Variants in ACACA observed in about 807,000 individuals in gnomAD.
ACACA encodes the protein acetyl-CoA carboxylase 1.
In ACACA, 103 loss-of-function variants were observed where a neutral mutation model predicts 296.1. The observed-to-expected ratio is 0.35, with a 90% confidence interval of 0.30 to 0.41. ACACA has a LOEUF of 0.41. ACACA is among the 10% of genes least tolerant of loss of function. The probability of loss-of-function intolerance (pLI) is 1.00; values close to 1 mark genes in which losing one functional copy is unlikely to be tolerated. For synonymous variants in ACACA, 953 were observed against 1,038.6 expected (o/e 0.92, Z 1.58); for missense variants, 1,554 against 2,989.7 (o/e 0.52, Z 11.20).
intron 19 of ACACA, among the ~76,000 whole-genome samples, chr17:37,245,644 T>C (rs2080658477): frequency 6.6e-6 from 1 of 152,124 alleles, no homozygotes; most frequent in African/African-American, 2.4e-5. Context: ...TTCTCAAAAA[T>C]CTTCCTCTCT....
At chr17:37,257,212 A>G (rs1305832693) in intron 14 of ACACA, among the ~76,000 whole-genome samples, 2 of 152,206 alleles carry the variant, frequency 1.3e-5, no homozygotes, top group South Asian at 2.1e-4. Context: ...TAATATGAGC[A>G]GTATAATTTT....
rs141482248 is a variant in ACACA at position 37,322,756 on chromosome 17, C to T, written c.338+7417G>A. On this transcript the variant is annotated intron_variant, in intron 3 of 55. Coordinates refer to ENST00000616317, the MANE Select transcript of ACACA (RefSeq NM_198834.3). ...ACAAGGCAGAGAAAGAGAGGAGGGA[C>T]GTCTGGACACCGAGGGGAATTCAAC... is the stretch of plus-strand genomic sequence containing the variant. Among the ~76,000 whole-genome samples, 1,308 of 152,244 alleles carry T rather than the reference C, an allele frequency of 8.6e-3. 17 individuals are homozygous for T. Among genetic ancestry groups the T allele is most frequent in the Middle Eastern group, 0.031 (9 of 294 alleles).
chr17:37,146,273 C>T (rs771666694), intron 45 of ACACA, among the ~76,000 whole-genome samples: 3 of 152,150 alleles, frequency 2.0e-5, no homozygotes, highest in African/African-American at 4.8e-5. Context: ...AAAAGCCAGG[C>T]GCACACATGC....
At chr17:37,213,897 C>T (rs1598198338) in intron 29 of ACACA, among the ~76,000 whole-genome samples, 1 of 152,122 alleles carries the variant, frequency 6.6e-6, no homozygotes, top group East Asian at 1.9e-4. Flanking sequence ...ACCATCCCTT[C>T]CAGCTGAATT....
intron 1 of ACACA, among the ~76,000 whole-genome samples, chr17:37,374,971 A>G (rs2049943334): frequency 6.7e-6 from 1 of 150,170 alleles, no homozygotes; most frequent in South Asian, 2.1e-4. Flanking sequence ...CGATGGGGGC[A>G]GATCACTTGA....
rs142938876 is a variant in ACACA at position 37,352,266 on chromosome 17, T to C, written c.39-12416A>G. Among the ~76,000 whole-genome samples, 214 of 152,280 alleles carry C rather than the reference T, an allele frequency of 1.4e-3. 1 individual carries two copies. Among genetic ancestry groups the C allele is most frequent in the African/African-American group, 4.9e-3 (204 of 41,564 alleles). Reference sequence around the variant, plus strand: ...GCAACGAATATTTGAGTTACAAAACTAGGAGACATAAACTAAGTCGTTATT... The same window carrying C: ...GCAACGAATATTTGAGTTACAAAACCAGGAGACATAAACTAAGTCGTTATT... On this transcript the variant is annotated intron_variant, in intron 1 of 55. Transcript: ENST00000616317.
intron 42 of ACACA, among the ~76,000 whole-genome samples, chr17:37,158,886 T>TA (rs575825806): frequency 3.3e-5 from 5 of 151,780 alleles, no homozygotes; most frequent in African/African-American, 9.7e-5. Flanking sequence ...TTTTTATAAT[T>TA]AAAAAAACTG....
intron 1 of ACACA, among the ~76,000 whole-genome samples, chr17:37,370,130 C>CTTT (rs2049750191): frequency 6.6e-6 from 1 of 151,454 alleles, no homozygotes. Context: ...CCTCAGACTC[C>CTTT]TGAGTAGCTG....
At chr17:37,379,028 C>T (rs1243788019) in intron 1 of ACACA, 11 of 1,312,672 alleles carry the variant, frequency 8.4e-6, no homozygotes, top group South Asian at 3.1e-5. Flanking sequence ...GCCATGATTG[C>T]GACACTGCAC....
chr17:37,367,722 C>T (rs960662286), intron 1 of ACACA: 1 of 152,126 alleles, frequency 6.6e-6, no homozygotes, highest in South Asian at 2.1e-4. Context: ...CCTTTCATTT[C>T]CTATTAGTAA....
intron 1 of ACACA, among the ~76,000 whole-genome samples, chr17:37,394,289 C>A (rs1462194768): frequency 2.0e-5 from 3 of 151,780 alleles, no homozygotes; most frequent in Non-Finnish European, 4.4e-5. Context: ...CAGCTCACTG[C>A]AACCTCTGCT....
intron 3 of ACACA, among the ~76,000 whole-genome samples, chr17:37,297,287 C>T (rs1362920709): frequency 6.6e-6 from 1 of 150,874 alleles, no homozygotes; most frequent in East Asian, 2.1e-4. Flanking sequence ...ACTAAAAATA[C>T]AAAATTAGCG....
chr17:37,296,109 A>G (rs1340340322), intron 3 of ACACA, among the ~76,000 whole-genome samples: 1 of 152,080 alleles, frequency 6.6e-6, no homozygotes, highest in East Asian at 1.9e-4. Context: ...AAGATGATGA[A>G]GTTACAAAGT....
intron 29 of ACACA, among the ~76,000 whole-genome samples, chr17:37,219,136 T>A (rs754613823): frequency 6.6e-6 from 1 of 152,112 alleles, no homozygotes; most frequent in Non-Finnish European, 1.5e-5. Context: ...GGAGATTGAG[T>A]TTAATCACGT....
chr17:37,359,992 C>G (rs1235820238), intron 1 of ACACA, among the ~76,000 whole-genome samples: 8 of 152,056 alleles, frequency 5.3e-5, no homozygotes, highest in Non-Finnish European at 8.8e-5. Context: ...CCAGACTTTT[C>G]GGATTGGAGA....
At chr17:37,355,519 G>A (rs953170119) in intron 1 of ACACA, among the ~76,000 whole-genome samples, 4 of 151,662 alleles carry the variant, frequency 2.6e-5, no homozygotes, top group Admixed American at 1.3e-4. Flanking sequence ...TCACACCATT[G>A]CACTCCAGCC....
intron 3 of ACACA, among the ~76,000 whole-genome samples, chr17:37,313,353 C>T (rs372952459): frequency 1.3e-5 from 2 of 151,608 alleles, no homozygotes; most frequent in East Asian, 3.9e-4. Flanking sequence ...AGAAAGAATA[C>T]TCAGAAAAAT....
intron 2 of ACACA, among the ~76,000 whole-genome samples, chr17:37,336,794 C>T (rs1341739809): frequency 6.6e-6 from 1 of 152,178 alleles, no homozygotes; most frequent in African/African-American, 2.4e-5. Context: ...CTATAACTCA[C>T]TGTAAAGTAT....
chr17:37,162,626 TG>T, intron 41 of ACACA: 1 of 281,692 alleles, frequency 3.5e-6, no homozygotes, highest in Non-Finnish European at 6.7e-6. Flanking sequence ...ATGAACGCCT[TG>T]GGCACACTAC....
Sources: gnomAD v4.1 joint callset for allele counts (sites outside exome capture counted in the v4.1 genomes callset) on GRCh38, gnomAD v4.1.1 for gene constraint, MANE v1.5 for transcripts, NCBI Gene and HGNC (gene_info 2026-07-23, HGNC 2026-07-21) for gene names.